MTR: variants seen among roughly 807,000 people sequenced by gnomAD.
The protein encoded by MTR is methionine synthase.
A neutral mutation model predicts 154.8 loss-of-function variants in MTR; 84 were observed. The observed-to-expected ratio is 0.54, with a 90% CI of 0.45 to 0.65. The LOEUF (loss-of-function observed/expected upper bound fraction) is 0.65, where lower values mean the gene tolerates loss of function less well. Among genes scored for constraint, MTR ranks in the 30% least tolerant of loss-of-function variants. MTR has a pLI of 0.00. For missense variants in MTR, 1,275 were observed against 1,570.2 expected (o/e 0.81, Z 3.18); for synonymous variants, 554 against 553.9 (o/e 1.00, Z 0.00).
Position 236,901,797 on chromosome 1 carries a change from C to A in MTR, c.*4153C>A, listed in dbSNP as rs1666928886. The A allele has an allele frequency of 6.6e-6, 1 of 152,254 alleles. No homozygotes were observed. Among genetic ancestry groups the A allele is most frequent in the African/African-American group, 2.4e-5 (1 of 41,454 alleles). The allele number at this position is 152,254 out of a possible 1,614,324, so 9.4% of individuals were successfully genotyped here. A position where few individuals can be genotyped will look rare whatever the true frequency, so the allele number is the denominator to read the frequency against. ...GGGCTCCACCTTCATGACCTAATTA[C>A]CTCCCAAAGATGCCATCTCCAAACA... On this transcript the variant is annotated 3_prime_UTR_variant, in exon 33 of 33. Transcript: ENST00000366577.
intron 13 of MTR, 93 bp downstream of exon 13, chr1:236,832,171 T>C (rs1662651414): frequency 4.0e-6 from 4 of 1,001,304 alleles, no homozygotes; most frequent in South Asian, 1.3e-5. Flanking sequence ...GATAGTGTTA[T>C]TAGCAGAGCT....
chr1:236,862,170 C>T, intron 20 of MTR, 66 bp from the exon 21 acceptor site: 1 of 1,332,852 alleles, frequency 7.5e-7, no homozygotes, highest in Admixed American at 1.7e-5. Context: ...CCAAATTTCA[C>T]AAGTGGCCAT....
chr1:236,886,172 T>A (rs1297689054), intron 26 of MTR, 120 bp from the exon 27 acceptor site: 1 of 802,262 alleles, frequency 1.2e-6, no homozygotes, highest in African/African-American at 1.7e-5. Flanking sequence ...ATAAACATTC[T>A]CATGAATAAG....
intron 8 of MTR, among the ~76,000 whole-genome samples, chr1:236,821,070 CAG>C (rs1468244804): frequency 1.3e-5 from 2 of 152,210 alleles, no homozygotes; most frequent in Non-Finnish European, 2.9e-5. Flanking sequence ...ATCGCTATAA[CAG>C]AATACCTGAG....
intron 16 of MTR, 65 bp from the exon 17 acceptor site, chr1:236,852,456 A>G: frequency 8.7e-7 from 1 of 1,152,248 alleles, no homozygotes; most frequent in Non-Finnish European, 1.3e-6. Flanking sequence ...TATAAAGCTT[A>G]AGAGATGTGA....
intron 8 of MTR, chr1:236,819,786 C>T: frequency 1.3e-6 from 1 of 759,334 alleles, no homozygotes; most frequent in Non-Finnish European, 2.4e-6. Flanking sequence ...CATCATAAAT[C>T]TGAAGAGGAC....
At chr1:236,796,331 C>T (rs538052510) in intron 1 of MTR, among the ~76,000 whole-genome samples, 8 of 152,246 alleles carry the variant, frequency 5.3e-5, no homozygotes, top group African/African-American at 1.7e-4. Context: ...ATGTTGGTGG[C>T]CCTGGGATCA....
Position 236,861,263 on chromosome 1 carries a change from A to T in MTR, c.2182A>T (p.Met728Leu). Residue 728 changes from methionine (M) to leucine (L), a missense_variant, in exon 20 of 33, where the codon ATG (methionine) becomes TTG (leucine). Transcript: ENST00000366577. ...TGGTGATCTTTTTGGAGCTGGAAAA[A>T]TGTTTCTACCTCAGGTTAGCAAAAT... The part of the protein sequence containing the change: ...IVGDLFGAGK[M>L]FLPQVIKSAR... 1 of 1,613,940 alleles carries T rather than the reference A, an allele frequency of 6.2e-7. No individual in the cohort carries two copies. The highest frequency in any genetic ancestry group is 2.2e-5 in the East Asian group (1 of 44,844).
Position 236,874,475 on chromosome 1 carries a change from G to A in MTR, c.2474-251G>A, listed in dbSNP as rs188781342. On this transcript the variant is annotated intron_variant, in intron 23 of 32. Transcript: ENST00000366577. ...CTGTAATCGCAGCTACTCAGGAGGG[G>A]CAGGAGAATCGCTTGAACCCAGGAG... Among the ~76,000 whole-genome samples the A allele has an allele frequency of 2.6e-5, 4 of 151,780 alleles. No individual in the cohort carries two copies. The East Asian group carries it at 7.8e-4, about 29-fold the overall frequency.
chr1:236,886,474 T>C (rs1168310218), intron 27 of MTR, 107 bp downstream of exon 27: 5 of 981,582 alleles, frequency 5.1e-6, no homozygotes, highest in Non-Finnish European at 8.0e-6. Flanking sequence ...AGCTAACGAC[T>C]CTCAACTGTG....
chr1:236,888,378 A>G (rs965616347), intron 27 of MTR, among the ~76,000 whole-genome samples: 10 of 152,226 alleles, frequency 6.6e-5, no homozygotes, highest in Admixed American at 1.3e-4. Context: ...CAGCAGCACC[A>G]TCTGTCTCTG....
In MTR at chr1:236,897,791, C is replaced by T; in HGVS notation, c.*147C>T. ...GGTTTTCGAAGACTATTTAGTGGAA[C>T]CTTGTAGAGGAGCAGGGTCTTCCTG... is the stretch of plus-strand genomic sequence containing the variant. On this transcript the variant is annotated 3_prime_UTR_variant, in exon 33 of 33. Transcript: ENST00000366577. The T allele has an allele frequency of 2.8e-6, 2 of 722,772 alleles. No individual in the cohort carries two copies. The highest frequency in any genetic ancestry group is 2.4e-5 in the Admixed American group (1 of 41,404). The allele number at this position is 722,772 out of a possible 1,614,324, so 44.8% of individuals were successfully genotyped here. A position where few individuals can be genotyped will look rare whatever the true frequency, so the allele number is the denominator to read the frequency against.
chr1:236,827,841 G>A (rs1558291318), intron 11 of MTR, among the ~76,000 whole-genome samples: 1 of 152,146 alleles, frequency 6.6e-6, no homozygotes, highest in Non-Finnish European at 1.5e-5. Flanking sequence ...TTTCCCTGGA[G>A]TGACTGATGA....
chr1:236,882,879 A>T (rs773089721), intron 25 of MTR, among the ~76,000 whole-genome samples: 10 of 152,242 alleles, frequency 6.6e-5, no homozygotes, highest in African/African-American at 1.4e-4. Flanking sequence ...ATGATAAATC[A>T]TGTGGGTAAC....
rs1019280888 is a variant in MTR, at chr1:236,795,363, T to C, written c.-341T>C. On this transcript the variant is annotated 5_prime_UTR_variant, in exon 1 of 33. Transcript: ENST00000366577. ...AGCCGGATGTCACGTCGTCCTCCTC[T>C]GCCGGTTTTCTCTTGGGTCCTTTTC... The C allele has an allele frequency of 9.5e-6, 13 of 1,363,300 alleles. No homozygotes were observed. Among genetic ancestry groups the C allele is most frequent in the Middle Eastern group, 3.9e-4 (2 of 5,168 alleles). 84.5% of individuals were successfully genotyped at this position (1,363,300 alleles called of 1,614,324 possible).
At chr1:236,819,836 C>T in intron 8 of MTR, 2 of 765,982 alleles carry the variant, frequency 2.6e-6, no homozygotes, top group Admixed American at 3.4e-5. Context: ...CCATTGTTGC[C>T]ATTAAAAACC....
At chr1:236,876,560 C>A (rs1040608400) in intron 24 of MTR, among the ~76,000 whole-genome samples, 2 of 152,120 alleles carry the variant, frequency 1.3e-5, no homozygotes, top group Admixed American at 6.5e-5. Flanking sequence ...AATTAAAATA[C>A]ATTATGTGTT....
In MTR at chr1:236,894,276, C is replaced by T. The variant is rs917667728; in HGVS notation, c.3205-81C>T. ...TGAAGCTTATTCTCATTTGACGATACCCGATTGCTCTTCATGGTGTGCTGG... is the reference window on the plus strand; with the variant it reads ...TGAAGCTTATTCTCATTTGACGATATCCGATTGCTCTTCATGGTGTGCTGG... On this transcript the variant is annotated intron_variant, in intron 29 of 32. Transcript: ENST00000366577. The T allele has an allele frequency of 2.0e-5, 27 of 1,350,644 alleles. No homozygotes were observed. In the African/African-American group the frequency reaches 3.7e-4, roughly 19 times the overall value. 83.7% of individuals were successfully genotyped at this position (1,350,644 alleles called of 1,614,324 possible).
intron 1 of MTR, chr1:236,800,591 C>A: frequency 2.9e-6 from 2 of 680,854 alleles, no homozygotes; most frequent in Non-Finnish European, 3.6e-6. Flanking sequence ...ATTTCCCAAC[C>A]TGCAAATATG....
Sources: gnomAD v4.1 joint callset for allele counts (sites outside exome capture counted in the v4.1 genomes callset) on GRCh38, gnomAD v4.1.1 for gene constraint, MANE v1.5 for transcripts, NCBI Gene and HGNC (gene_info 2026-07-23, HGNC 2026-07-21) for gene names.